Variants in ASIC2 observed in about 807,000 individuals in gnomAD.
ASIC2 encodes acid sensing ion channel subunit 2, also known as acid-sensing ion channel 2.
ASIC2 carries 25 observed loss-of-function variants against 57.3 expected under a neutral mutation model. The ratio of observed to expected loss-of-function variants is 0.44; its 90% CI spans 0.32 to 0.61. The LOEUF is 0.61. Among genes scored for constraint, ASIC2 ranks in the 20% least tolerant of loss-of-function variants. The pLI is 0.06. For synonymous variants in ASIC2, 319 were observed against 307.5 expected (o/e 1.04, Z -0.39); for missense variants, 641 against 738.1 (o/e 0.87, Z 1.52).
At chr17:34,068,567 T>TA (rs1178423526) in intron 1 of ASIC2, among the ~76,000 whole-genome samples, 1 of 152,186 alleles carries the variant, frequency 6.6e-6, no homozygotes, top group African/African-American at 2.4e-5. Context: ...CCCAGGGTCT[T>TA]AGCTTTTTCC....
chr17:33,579,310 G>T (rs1916789019), intron 1 of ASIC2, among the ~76,000 whole-genome samples: 1 of 140,964 alleles, frequency 7.1e-6, no homozygotes, highest in Admixed American at 7.0e-5. Flanking sequence ...AAAAATGCAG[G>T]TGGGTGACTC....
rs1031887299 is a variant in ASIC2, at chr17:33,734,442, C to T, written c.555+421536G>A. 2.6e-5 allele frequency among the ~76,000 whole-genome samples: 4 copies of T among 152,172 alleles called. No individual in the cohort carries two copies. The East Asian group carries it at 5.8e-4, about 22-fold the overall frequency. On this transcript the variant is annotated intron_variant, in intron 1 of 9. Coordinates refer to the ASIC2 transcript ENST00000359872. ...TCATTTCTCTCTCTGTATTATCCCT[C>T]ACTGCCCCTCATGTCCTTCCCACAC...
chr17:33,948,202 T>C (rs1373878462), intron 1 of ASIC2, among the ~76,000 whole-genome samples: 1 of 152,222 alleles, frequency 6.6e-6, no homozygotes, highest in African/African-American at 2.4e-5. Flanking sequence ...ATCTATAAGC[T>C]GAATTTGACC....
chr17:33,402,683 A>G (rs894668721), intron 1 of ASIC2, among the ~76,000 whole-genome samples: 2 of 152,118 alleles, frequency 1.3e-5, no homozygotes, highest in Non-Finnish European at 1.5e-5. Context: ...TATCTAGTCT[A>G]TCATTGATGG....
At chr17:34,039,328 C>G in intron 1 of ASIC2, 2 of 1,613,954 alleles carry the variant, frequency 1.2e-6, no homozygotes, top group Non-Finnish European at 1.7e-6. Context: ...AGATGAGGGA[C>G]TGTTTTGCTG....
intron 1 of ASIC2, among the ~76,000 whole-genome samples, chr17:33,621,781 C>A (rs1905808947): frequency 1.3e-5 from 2 of 152,192 alleles, no homozygotes; most frequent in African/African-American, 4.8e-5. Flanking sequence ...CTCCACTGAT[C>A]TTCTACTAAT....
chr17:33,534,399 C>A (rs572636754), intron 1 of ASIC2: 3 of 152,126 alleles, frequency 2.0e-5, no homozygotes, highest in Non-Finnish European at 4.4e-5. Context: ...TCTCTGCTCA[C>A]GAGGCAGGAG....
chr17:34,120,982 C>T (rs1361782502), intron 1 of ASIC2, among the ~76,000 whole-genome samples: 2 of 151,984 alleles, frequency 1.3e-5, no homozygotes, highest in African/African-American at 2.4e-5. Context: ...TCAAGTGATC[C>T]ACCCGCCTCA....
intron 1 of ASIC2, among the ~76,000 whole-genome samples, chr17:33,436,060 G>A (rs1911596932): frequency 6.6e-6 from 1 of 152,262 alleles, no homozygotes; most frequent in African/African-American, 2.4e-5. Context: ...GATGATGACA[G>A]TGAGAAAAAC....
In ASIC2 at chr17:33,852,994, C is replaced by G. The variant is rs547029324; in HGVS notation, c.555+302984G>C. ...AGTTCACCCTAAAGCCTTTCCCCCC[C>G]GTCATAGACAGTTAAAAAGCTATCA... On this transcript the variant is annotated intron_variant, in intron 1 of 9. Coordinates refer to the ASIC2 transcript ENST00000359872. Among the ~76,000 whole-genome samples, 13 of 152,214 alleles carry G rather than the reference C, an allele frequency of 8.5e-5. No individual in the cohort carries two copies. In the East Asian group the frequency reaches 1.5e-3, roughly 18 times the overall value.
chr17:33,038,011 T>C (rs2091916133), intron 3 of ASIC2, among the ~76,000 whole-genome samples: 1 of 152,198 alleles, frequency 6.6e-6, no homozygotes, highest in Non-Finnish European at 1.5e-5. Flanking sequence ...TCATAGACCT[T>C]AAATCTACTA....
At chr17:33,394,283 T>C (rs1407597814) in intron 1 of ASIC2, among the ~76,000 whole-genome samples, 2 of 152,164 alleles carry the variant, frequency 1.3e-5, no homozygotes, top group Non-Finnish European at 2.9e-5. Context: ...TAGGTGAGAA[T>C]GGTGCCACAG....
intron 6 of ASIC2, among the ~76,000 whole-genome samples, chr17:33,022,568 T>C (rs559205698): frequency 2.6e-5 from 4 of 152,240 alleles, no homozygotes; most frequent in Admixed American, 2.0e-4. Flanking sequence ...GACATATCCA[T>C]GTTCCCCTTT....
chr17:33,151,472 T>A (rs1038050693), intron 1 of ASIC2, among the ~76,000 whole-genome samples: 3 of 152,234 alleles, frequency 2.0e-5, no homozygotes, highest in African/African-American at 7.2e-5. Context: ...TGTGGTTTCC[T>A]CATTTCTAGA....
At chr17:33,375,394 G>A (rs138870234) in intron 1 of ASIC2, among the ~76,000 whole-genome samples, 6 of 152,102 alleles carry the variant, frequency 3.9e-5, no homozygotes, top group East Asian at 1.9e-4. Flanking sequence ...GGCAGAGAGC[G>A]AGGGGGAGAG....
intron 1 of ASIC2, among the ~76,000 whole-genome samples, chr17:33,380,409 C>T (rs2141945558): frequency 6.6e-6 from 1 of 152,246 alleles, no homozygotes; most frequent in South Asian, 2.1e-4. Flanking sequence ...ACTCTATGTG[C>T]ATGCTATTTA....
chr17:34,017,250 C>A (rs367758513), intron 1 of ASIC2, among the ~76,000 whole-genome samples: 2 of 152,156 alleles, frequency 1.3e-5, no homozygotes, highest in African/African-American at 4.8e-5. Flanking sequence ...TTTGATGTTA[C>A]TGATGTAATT....
At chr17:33,537,301 A>C (rs1405927744) in intron 1 of ASIC2, among the ~76,000 whole-genome samples, 2 of 152,108 alleles carry the variant, frequency 1.3e-5, no homozygotes, top group African/African-American at 2.4e-5. Flanking sequence ...CTTGATCTTC[A>C]TATAATTTGC....
At chr17:33,624,996 C>G (rs1905927027) in intron 1 of ASIC2, among the ~76,000 whole-genome samples, 1 of 152,214 alleles carries the variant, frequency 6.6e-6, no homozygotes, top group East Asian at 1.9e-4. Context: ...TGAGCACTGC[C>G]TCTGGCTAGT....
Sources: gnomAD v4.1 joint callset for allele counts (sites outside exome capture counted in the v4.1 genomes callset) on GRCh38, gnomAD v4.1.1 for gene constraint, MANE v1.5 for transcripts, NCBI Gene and HGNC (gene_info 2026-07-23, HGNC 2026-07-21) for gene names.